NOL7: variants seen among roughly 807,000 people sequenced by gnomAD.
The protein encoded by NOL7 is U3 small nucleolar RNA-associated protein NOL7.
Under a neutral mutation model 38.4 loss-of-function variants are expected in NOL7, and 36 were observed. The ratio of observed to expected loss-of-function variants is 0.94; its 90% CI spans 0.72 to 1.24. NOL7 has a LOEUF of 1.24. Ranked by LOEUF, NOL7 falls within the 50% of genes most tolerant of loss-of-function variation. The pLI is 0.00. For missense variants in NOL7, 350 were observed against 315.1 expected, an observed-to-expected ratio of 1.11 and a Z score of -0.84; for synonymous variants, 142 against 126.5, an observed-to-expected ratio of 1.12 and a Z score of -0.82.
At position 13,617,945 on chromosome 6, in the gene NOL7, A is replaced by G. The variant is rs111485145; in HGVS notation, c.419-113A>G. On this transcript the variant is annotated intron_variant, in intron 4 of 7. Transcript: ENST00000451315. ...GGGCCTATTCCCTGTATTTCATACA[A>G]ATAAAAACTGCATCCACATTGGTGT... The G allele has an allele frequency of 5.4e-3, 5,378 of 995,630 alleles. 199 individuals carry two copies. The African/African-American group carries it at 0.074, about 14-fold the overall frequency. The allele number at this position is 995,630 out of a possible 1,614,324, so 61.7% of individuals were successfully genotyped here.
intron 5 of NOL7, among the ~76,000 whole-genome samples, chr6:13,619,885 G>A (rs750936002): frequency 1.3e-5 from 2 of 152,308 alleles, no homozygotes; most frequent in East Asian, 1.9e-4. Flanking sequence ...GCCTGGGCAC[G>A]GTGGCTCATG....
chr6:13,631,695 A>G (rs1163833976), intron 8 of NOL7, among the ~76,000 whole-genome samples: 1 of 152,206 alleles, frequency 6.6e-6, no homozygotes, highest in African/African-American at 2.4e-5. Context: ...GTTTACAATG[A>G]ACCAACTGTT....
chr6:13,615,523 G>T lies in NOL7; in HGVS notation c.165G>T (p.Gly55=). The T allele has an allele frequency of 6.4e-7, 1 of 1,556,488 alleles. No individual in the cohort carries two copies. The highest frequency in any genetic ancestry group is 8.7e-7 in the Non-Finnish European group (1 of 1,149,688). ...AAEPLEEDEE[G]DDEFDDEAPE... ...AGCCCCTGGAGGAAGACGAGGAAGGGGACGATGAGTTTGACGATGAGGCCC... is the reference window on the plus strand; with the variant it reads ...AGCCCCTGGAGGAAGACGAGGAAGGTGACGATGAGTTTGACGATGAGGCCC... Residue 55 remains glycine (G), a synonymous_variant, in exon 1 of 8, where the codon GGG becomes GGT. Transcript: ENST00000451315.
At chr6:13,630,277 T>C (rs1349263455) in intron 8 of NOL7, among the ~76,000 whole-genome samples, 1 of 152,202 alleles carries the variant, frequency 6.6e-6, no homozygotes, top group Non-Finnish European at 1.5e-5. Flanking sequence ...AAGACATCTA[T>C]ACTCTTTAAA....
downstream of NOL7, chr6:13,622,600 C>A (rs908993121): frequency 3.3e-5 from 38 of 1,166,682 alleles, no homozygotes; most frequent in Non-Finnish European, 4.4e-5. Context: ...ACTCCCATAC[C>A]ACTCTGAAAT....
downstream of NOL7, among the ~76,000 whole-genome samples, chr6:13,623,852 G>GT (rs1764527770): frequency 6.6e-6 from 1 of 152,146 alleles, no homozygotes; most frequent in South Asian, 2.1e-4. Context: ...AGCACAATAT[G>GT]TAAGAGTATA....
intron 5 of NOL7, among the ~76,000 whole-genome samples, chr6:13,618,506 C>T (rs1465721990): frequency 1.3e-5 from 2 of 152,058 alleles, no homozygotes; most frequent in Non-Finnish European, 2.9e-5. Flanking sequence ...CTCGGCCTCC[C>T]AAAGTGCTGG....
chr6:13,630,796 G>A (rs1278691429), intron 8 of NOL7, among the ~76,000 whole-genome samples: 1 of 151,728 alleles, frequency 6.6e-6, no homozygotes, highest in East Asian at 1.9e-4. Flanking sequence ...AAGCATTAAA[G>A]AGACTTACAA....
rs1458104459 is a variant in NOL7 at position 13,615,622 on chromosome 6, C to T, written c.264C>T (p.Arg88=). The T allele has an allele frequency of 6.2e-7, 1 of 1,602,054 alleles. No individual in the cohort carries two copies. The highest frequency in any genetic ancestry group is 8.5e-7 in the Non-Finnish European group (1 of 1,173,398). ...EEERRVRETV[R]RDKTLLKEKR... is the part of the protein sequence containing the mutation. The stretch of plus-strand genomic sequence containing the variant: ...AGCGGCGAGTGCGGGAGACCGTGCG[C>T]AGGTTCGGAGCCCGCTGCCCGGCGG... Residue 88 remains arginine, a splice_region_variant and synonymous_variant, in exon 1 of 8, where the codon CGC becomes CGT. Coordinates refer to ENST00000451315, the MANE Select transcript of NOL7 (RefSeq NM_016167.5).
chr6:13,623,935 T>C (rs990904149), downstream of NOL7, among the ~76,000 whole-genome samples: 3 of 152,194 alleles, frequency 2.0e-5, no homozygotes, highest in Admixed American at 6.5e-5. Context: ...GTAAGAAAAC[T>C]GGTCACTTTA....
intron 8 of NOL7, among the ~76,000 whole-genome samples, chr6:13,628,635 A>G (rs1025567174): frequency 2.6e-5 from 4 of 152,334 alleles, no homozygotes; most frequent in African/African-American, 4.8e-5. Context: ...AAAATAAAAA[A>G]TGGTTTATAC....
intron 8 of NOL7, among the ~76,000 whole-genome samples, chr6:13,631,690 C>A (rs1459066085): frequency 6.6e-6 from 1 of 152,152 alleles, no homozygotes; most frequent in African/African-American, 2.4e-5. Flanking sequence ...AAAATGTTTA[C>A]AATGAACCAA....
At chr6:13,622,385 T>C, downstream of NOL7, 1 of 1,595,534 alleles carries the variant, frequency 6.3e-7, no homozygotes, top group Non-Finnish European at 8.5e-7. Context: ...TCTTCCACTG[T>C]GGCAAATGCG....
intron 2 of NOL7, 137 bp from the exon 3 acceptor site, chr6:13,616,326 G>A (rs966014201): frequency 3.4e-6 from 2 of 582,690 alleles, no homozygotes; most frequent in Non-Finnish European, 6.0e-6. Flanking sequence ...TAGCTTAGAG[G>A]TATGGGGGCA....
downstream of NOL7, chr6:13,625,909 C>T (rs998880188): frequency 2.6e-5 from 14 of 544,362 alleles, no homozygotes; most frequent in Middle Eastern, 3.3e-4. Context: ...AGCACTGGGA[C>T]GCTCTACATT....
chr6:13,629,709 C>T (rs1764720649), intron 8 of NOL7, among the ~76,000 whole-genome samples: 1 of 152,086 alleles, frequency 6.6e-6, no homozygotes. Context: ...TAAACAGCTG[C>T]TCAACAAACA....
chr6:13,619,276 C>T (rs1216231858), intron 5 of NOL7, among the ~76,000 whole-genome samples: 2 of 152,226 alleles, frequency 1.3e-5, no homozygotes, highest in Non-Finnish European at 2.9e-5. Context: ...ACAATATGGC[C>T]TTATCTTCTA....
At chr6:13,625,753 A>G (rs1243979446), downstream of NOL7, 1 of 1,602,542 alleles carries the variant, frequency 6.2e-7, no homozygotes. Flanking sequence ...ATGCTAGTAG[A>G]CTGAATGCAT....
intron 8 of NOL7, among the ~76,000 whole-genome samples, chr6:13,628,573 C>CATGG (rs1251164044): frequency 6.6e-6 from 1 of 152,150 alleles, no homozygotes; most frequent in Non-Finnish European, 1.5e-5. Flanking sequence ...CACTATAAAA[C>CATGG]ATGGCTTGGA....
Sources: gnomAD v4.1 joint callset for allele counts (sites outside exome capture counted in the v4.1 genomes callset) on GRCh38, gnomAD v4.1.1 for gene constraint, MANE v1.5 for transcripts, NCBI Gene and HGNC (gene_info 2026-07-23, HGNC 2026-07-21) for gene names.